Variants in DCC observed in about 807,000 individuals in gnomAD.
DCC encodes the protein DCC netrin 1 receptor.
In DCC, 58 loss-of-function variants were observed where a neutral mutation model predicts 172.5. The observed-to-expected ratio is 0.34, with a 90% CI of 0.27 to 0.42. DCC has a LOEUF of 0.42. Among genes scored for constraint, DCC ranks in the 10% least tolerant of loss-of-function variants. The probability of loss-of-function intolerance (pLI) is 1.00; values close to 1 mark genes in which losing one functional copy is unlikely to be tolerated. For missense variants in DCC, 1,740 were observed against 1,791.0 expected (o/e 0.97, Z 0.51); for synonymous variants, 709 against 644.5 (o/e 1.10, Z -1.52).
intron 5 of DCC, among the ~76,000 whole-genome samples, chr18:53,042,995 C>G (rs1468522924): frequency 6.6e-6 from 1 of 151,870 alleles, no homozygotes. Context: ...ATAAATCATT[C>G]TTCTATAAAG....
At chr18:53,503,992 A>AT (rs1395304327) in intron 27 of DCC, among the ~76,000 whole-genome samples, 2 of 152,156 alleles carry the variant, frequency 1.3e-5, no homozygotes, top group Admixed American at 1.3e-4. Flanking sequence ...ATTGAGTTTG[A>AT]TTTTCCCCGT....
chr18:53,216,537 C>T (rs935500478), intron 12 of DCC, among the ~76,000 whole-genome samples: 4 of 152,142 alleles, frequency 2.6e-5, no homozygotes, highest in African/African-American at 4.8e-5. Context: ...TTACTATCTT[C>T]CTTATTGACT....
intron 1 of DCC, among the ~76,000 whole-genome samples, chr18:52,508,559 T>C (rs2031319437): frequency 6.6e-6 from 1 of 152,140 alleles, no homozygotes; most frequent in Admixed American, 6.5e-5. Context: ...AGTAACTCAA[T>C]TGATTGGGGC....
chr18:53,397,577 T>C (rs993938720), intron 18 of DCC, 131 bp downstream of exon 18: 1 of 948,026 alleles, frequency 1.1e-6, no homozygotes. Context: ...TCCTCTATAG[T>C]TCATAGCACT....
intron 1 of DCC, among the ~76,000 whole-genome samples, chr18:52,605,858 A>G (rs1006135507): frequency 2.6e-5 from 4 of 152,134 alleles, no homozygotes; most frequent in African/African-American, 9.7e-5. Context: ...CTCTGACACC[A>G]GTCAGTAATC....
chr18:52,969,037 G>T (rs1437352275), intron 5 of DCC, among the ~76,000 whole-genome samples: 5 of 151,922 alleles, frequency 3.3e-5, no homozygotes, highest in African/African-American at 4.8e-5. Context: ...CGGTTCTCCT[G>T]GTCTCACTTT....
At chr18:52,378,773 C>T (rs976671217) in intron 1 of DCC, among the ~76,000 whole-genome samples, 4 of 151,994 alleles carry the variant, frequency 2.6e-5, no homozygotes, top group African/African-American at 9.7e-5. Context: ...TTCTGGAACT[C>T]CTGGGATAAA....
At chr18:53,171,203 A>G (rs1371054525) in intron 8 of DCC, among the ~76,000 whole-genome samples, 2 of 152,140 alleles carry the variant, frequency 1.3e-5, no homozygotes, top group African/African-American at 4.8e-5. Context: ...GTTTAGATGC[A>G]AACTCCCTTT....
At chr18:52,946,089 A>G (rs1255762648) in intron 5 of DCC, among the ~76,000 whole-genome samples, 3 of 152,198 alleles carry the variant, frequency 2.0e-5, no homozygotes, top group South Asian at 2.1e-4. Context: ...GTATGACTCA[A>G]TATAGTCATC....
rs184449394 is a variant in DCC, at chr18:52,616,616, G to A, written c.92-135438G>A. ...AAGTATCAATGAACAAGTATTTAGT[G>A]TCTATTAAAACTATATACTAAGAGG... On this transcript the variant is annotated intron_variant, in intron 1 of 28. Transcript: ENST00000442544. Among the ~76,000 whole-genome samples the A allele has an allele frequency of 1.6e-4, 24 of 152,156 alleles. No individual in the cohort carries two copies. In the East Asian group the frequency reaches 4.4e-3, roughly 28 times the overall value.
At chr18:52,906,457 T>C (rs1260237605) in intron 3 of DCC, 129 bp downstream of exon 3, 1 of 1,020,750 alleles carries the variant, frequency 9.8e-7, no homozygotes. Context: ...TGTTTATTAT[T>C]TCTTTCTTCC....
intron 15 of DCC, among the ~76,000 whole-genome samples, chr18:53,364,330 TC>T (rs1371435570): frequency 6.6e-6 from 1 of 152,152 alleles, no homozygotes; most frequent in African/African-American, 2.4e-5. Context: ...TATTTTTTTT[TC>T]TTTTTTCATA....
intron 1 of DCC, among the ~76,000 whole-genome samples, chr18:52,591,166 G>C (rs17828515): frequency 6.6e-6 from 1 of 152,042 alleles, no homozygotes; most frequent in Non-Finnish European, 1.5e-5. Context: ...ACCTGAGAGG[G>C]CTAATCCAAT....
chr18:52,562,047 C>G (rs1174438665), intron 1 of DCC, among the ~76,000 whole-genome samples: 1 of 152,136 alleles, frequency 6.6e-6, no homozygotes, highest in South Asian at 2.1e-4. Flanking sequence ...TAGCAAAGTA[C>G]AGACTCTCAG....
At chr18:52,799,962 G>A (rs2037953422) in intron 2 of DCC, among the ~76,000 whole-genome samples, 1 of 152,182 alleles carries the variant, frequency 6.6e-6, no homozygotes, top group African/African-American at 2.4e-5. Flanking sequence ...TGTAAGGGCA[G>A]AGATGGTAGT....
intron 1 of DCC, among the ~76,000 whole-genome samples, chr18:52,726,292 T>G (rs954509195): frequency 6.6e-6 from 1 of 152,188 alleles, no homozygotes; most frequent in African/African-American, 2.4e-5. Flanking sequence ...TCTTAACCAC[T>G]ATCCTTTCTC....
chr18:52,400,955 C>A (rs1267740079), intron 1 of DCC, among the ~76,000 whole-genome samples: 1 of 151,498 alleles, frequency 6.6e-6, no homozygotes, highest in African/African-American at 2.4e-5. Context: ...GGGTGGGGGA[C>A]TAGGGGAGGG....
chr18:53,530,333 C>T (rs2046511684), intron 28 of DCC: 1 of 702,850 alleles, frequency 1.4e-6, no homozygotes, highest in Non-Finnish European at 2.6e-6. Flanking sequence ...TCTGAAACAT[C>T]TTCCTTGTCA....
chr18:52,986,686 A>C (rs1440982085), intron 5 of DCC, among the ~76,000 whole-genome samples: 1 of 152,020 alleles, frequency 6.6e-6, no homozygotes, highest in Non-Finnish European at 1.5e-5. Flanking sequence ...AGAAGGCAAA[A>C]AAAAATCCTG....
Sources: gnomAD v4.1 joint callset for allele counts (sites outside exome capture counted in the v4.1 genomes callset) on GRCh38, gnomAD v4.1.1 for gene constraint, MANE v1.5 for transcripts, NCBI Gene and HGNC (gene_info 2026-07-23, HGNC 2026-07-21) for gene names.